The following CNTNAP5 variants were observed in gnomAD, a reference collection of about 807,000 sequenced individuals.
CNTNAP5 encodes contactin-associated protein-like 5.
Under a neutral mutation model 150.2 loss-of-function variants are expected in CNTNAP5, and 72 were observed. The observed-to-expected ratio is 0.48, with a 90% CI of 0.40 to 0.58. The LOEUF (loss-of-function observed/expected upper bound fraction) is 0.58, where lower values mean the gene tolerates loss of function less well. Ranked by LOEUF, CNTNAP5 falls within the 20% of genes least tolerant of loss-of-function variation. The pLI is 0.00. For synonymous variants in CNTNAP5, 672 were observed against 619.8 expected (o/e 1.08, Z -1.25); for missense variants, 1,636 against 1,626.2 (o/e 1.01, Z -0.10).
intron 13 of CNTNAP5, among the ~76,000 whole-genome samples, chr2:124,664,661 CA>C (rs1211760491): frequency 6.6e-6 from 1 of 152,186 alleles, no homozygotes; most frequent in Non-Finnish European, 1.5e-5. Flanking sequence ...GAAATACATG[CA>C]ATCCGCAGGG....
At chr2:124,751,254 A>T (rs1200261057) in intron 14 of CNTNAP5, among the ~76,000 whole-genome samples, 1 of 152,122 alleles carries the variant, frequency 6.6e-6, no homozygotes, top group Admixed American at 6.6e-5. Context: ...GCAGTGGGGA[A>T]ATTTAAAATA....
intron 13 of CNTNAP5, among the ~76,000 whole-genome samples, chr2:124,720,475 ATAACT>A (rs1680027097): frequency 6.6e-6 from 1 of 152,222 alleles, no homozygotes; most frequent in Admixed American, 6.5e-5. Context: ...TTAACCAGAA[ATAACT>A]TAGCAGCTGA....
intron 3 of CNTNAP5, among the ~76,000 whole-genome samples, chr2:124,279,798 C>A (rs1687969390): frequency 6.6e-6 from 1 of 152,222 alleles, no homozygotes; most frequent in South Asian, 2.1e-4. Flanking sequence ...TGGTTTCCCA[C>A]TTTCTGGTGA....
intron 1 of CNTNAP5, among the ~76,000 whole-genome samples, chr2:124,176,537 A>G (rs1282149149): frequency 6.6e-6 from 1 of 152,204 alleles, no homozygotes; most frequent in Non-Finnish European, 1.5e-5. Context: ...AATTTACTTG[A>G]TTATAGTTTT....
chr2:124,747,222 C>A lies in CNTNAP5; in HGVS notation c.2078-7C>A, dbSNP rs759436833. ...TACCCTGACTGGTGGAATATCTTGT[C>A]TTCCAGATGGAACACCATTTACCTG... On this transcript the variant is annotated splice_polypyrimidine_tract_variant and splice_region_variant and intron_variant, in intron 13 of 23. Coordinates refer to ENST00000682447, the MANE Select transcript of CNTNAP5 (RefSeq NM_001367498.1). 6.2e-7 allele frequency: 1 copy of A among 1,610,932 alleles called. No individual in the cohort carries two copies. The highest frequency in any genetic ancestry group is 1.3e-5 in the African/African-American group (1 of 74,884).
At chr2:124,169,735 G>A (rs969325062) in intron 1 of CNTNAP5, among the ~76,000 whole-genome samples, 1 of 152,122 alleles carries the variant, frequency 6.6e-6, no homozygotes, top group South Asian at 2.1e-4. Flanking sequence ...AACAAAGTGA[G>A]GGCATATTTA....
intron 12 of CNTNAP5, among the ~76,000 whole-genome samples, chr2:124,635,098 A>G (rs1677945113): frequency 6.6e-6 from 1 of 152,202 alleles, no homozygotes. Flanking sequence ...TGAGTAATTT[A>G]TCAGGAAAAG....
At chr2:124,485,631 A>AAAAAAAAGAAGAAG (rs1457112306) in intron 7 of CNTNAP5, among the ~76,000 whole-genome samples, 19 of 134,088 alleles carry the variant, frequency 1.4e-4, no homozygotes, top group East Asian at 4.6e-4. Context: ...AAAAAAAAAA[A>AAAAAAAAGAAGAAG]AAAGAAGAAG....
At chr2:124,518,574 G>T (rs769836838) in intron 8 of CNTNAP5, among the ~76,000 whole-genome samples, 1 of 152,122 alleles carries the variant, frequency 6.6e-6, no homozygotes, top group African/African-American at 2.4e-5. Context: ...AATTCTATAT[G>T]CACACCTAAG....
intron 3 of CNTNAP5, among the ~76,000 whole-genome samples, chr2:124,280,575 G>A (rs72962899): frequency 1.3e-3 from 202 of 152,188 alleles, no homozygotes; most frequent in African/African-American, 4.6e-3. Flanking sequence ...AATGGCGAGT[G>A]ATTTCAGCAC....
At chr2:124,399,631 T>G (rs555497958) in intron 3 of CNTNAP5, among the ~76,000 whole-genome samples, 56 of 152,130 alleles carry the variant, frequency 3.7e-4, no homozygotes, top group African/African-American at 1.3e-3. Context: ...TAGCTTATTC[T>G]CTGGTCAATT....
intron 1 of CNTNAP5, among the ~76,000 whole-genome samples, chr2:124,207,761 T>C (rs917365105): frequency 6.6e-6 from 1 of 152,204 alleles, no homozygotes; most frequent in African/African-American, 2.4e-5. Flanking sequence ...TACAATGTAT[T>C]TTCCTGCTAT....
At chr2:124,566,372 C>G (rs1696023829) in intron 11 of CNTNAP5, among the ~76,000 whole-genome samples, 2 of 152,092 alleles carry the variant, frequency 1.3e-5, no homozygotes, top group Non-Finnish European at 2.9e-5. Context: ...TCTATGGATA[C>G]TGTTCTCCTT....
At chr2:124,517,696 G>C (rs1269182985) in intron 8 of CNTNAP5, among the ~76,000 whole-genome samples, 2 of 141,006 alleles carry the variant, frequency 1.4e-5, no homozygotes, top group African/African-American at 5.4e-5. Flanking sequence ...TTGTGATGGA[G>C]GGTTGTGGTG....
chr2:124,462,222 T>G (rs1313442845), intron 6 of CNTNAP5, among the ~76,000 whole-genome samples: 1 of 152,050 alleles, frequency 6.6e-6, no homozygotes, highest in Non-Finnish European at 1.5e-5. Flanking sequence ...AGGTTTTCCC[T>G]CTGAGGAGAG....
intron 22 of CNTNAP5, among the ~76,000 whole-genome samples, chr2:124,904,763 T>C (rs769161743): frequency 2.0e-5 from 3 of 152,026 alleles, no homozygotes; most frequent in Non-Finnish European, 2.9e-5. Flanking sequence ...GACCTGAGAC[T>C]GTAAACTCCA....
chr2:124,560,040 A>G (rs550643019), intron 10 of CNTNAP5, among the ~76,000 whole-genome samples: 1 of 152,306 alleles, frequency 6.6e-6, no homozygotes, highest in South Asian at 2.1e-4. Context: ...TAGTAAGTTA[A>G]TAAAGATGTA....
intron 7 of CNTNAP5, among the ~76,000 whole-genome samples, chr2:124,484,029 C>T (rs1693815164): frequency 6.6e-6 from 1 of 152,244 alleles, no homozygotes; most frequent in African/African-American, 2.4e-5. Context: ...TTTTCCACTT[C>T]CTTTCTTTCA....
At chr2:124,497,621 T>C (rs1694181433) in intron 7 of CNTNAP5, among the ~76,000 whole-genome samples, 1 of 152,162 alleles carries the variant, frequency 6.6e-6, no homozygotes, top group South Asian at 2.1e-4. Context: ...TAAGAATGTC[T>C]CTCTTCTCAT....
Sources: allele counts gnomAD v4.1 joint callset (sites outside exome capture counted in the v4.1 genomes callset), GRCh38; gene constraint gnomAD v4.1.1; transcripts MANE v1.5; gene names NCBI Gene and HGNC (gene_info 2026-07-23, HGNC 2026-07-21).